The following EXOC4 variants were observed in gnomAD, a reference collection of about 807,000 sequenced individuals.
EXOC4 encodes SEC8-like 1.
A neutral mutation model predicts 107.2 loss-of-function variants in EXOC4; 71 were observed. That is an observed-to-expected ratio of 0.66 (90% CI 0.55 to 0.81). The LOEUF is 0.81. Among genes scored for constraint, EXOC4 ranks in the 30% least tolerant of loss-of-function variants. The pLI, the probability that EXOC4 is intolerant of heterozygous loss-of-function variation, is 0.00. For missense variants in EXOC4, 1,108 were observed against 1,189.6 expected (o/e 0.93, Z 1.01); for synonymous variants, 456 against 441.2 (o/e 1.03, Z -0.42).
intron 12 of EXOC4, among the ~76,000 whole-genome samples, chr7:133,916,049 A>G (rs1451023094): frequency 2.0e-5 from 3 of 152,200 alleles, no homozygotes; most frequent in Non-Finnish European, 1.5e-5. Context: ...GTGGTCCCCA[A>G]CCTTTTTGGC....
intron 9 of EXOC4, among the ~76,000 whole-genome samples, chr7:133,509,986 G>A (rs1799738370): frequency 6.6e-6 from 1 of 152,052 alleles, no homozygotes; most frequent in African/African-American, 2.4e-5. Flanking sequence ...AGTTTATTGA[G>A]GCGTAATTAC....
chr7:133,815,814 G>A (rs537412894), intron 10 of EXOC4, among the ~76,000 whole-genome samples: 1 of 152,314 alleles, frequency 6.6e-6, no homozygotes. Context: ...TCCAATGGCA[G>A]CAGTGTCAAC....
rs537881135 is a variant in EXOC4 at position 133,745,878 on chromosome 7, G to C, written c.1515-71447G>C. On this transcript the variant is annotated intron_variant, in intron 10 of 17. Coordinates refer to ENST00000253861, the MANE Select transcript of EXOC4 (RefSeq NM_021807.4). ...CATTATATATTGTGTCTAATGCCAA[G>C]TGTCTGGCACAAGACTTCTCTTCAA... Among the ~76,000 whole-genome samples, 313 of 152,126 alleles carry C rather than the reference G, an allele frequency of 2.1e-3. 2 individuals are homozygous for C. Among genetic ancestry groups the C allele is most frequent in the Middle Eastern group, 3.4e-3 (1 of 294 alleles).
At chr7:134,037,666 C>T (rs1469041666) in intron 17 of EXOC4, among the ~76,000 whole-genome samples, 2 of 152,162 alleles carry the variant, frequency 1.3e-5, no homozygotes, top group African/African-American at 4.8e-5. Context: ...AGGGGATTAT[C>T]CGCATCCCTC....
chr7:133,552,502 A>C (rs969929682), intron 9 of EXOC4, among the ~76,000 whole-genome samples: 4 of 152,188 alleles, frequency 2.6e-5, no homozygotes, highest in African/African-American at 9.6e-5. Flanking sequence ...ATAATTATTG[A>C]TATTTGAAAT....
chr7:133,428,349 T>C (rs1797774652), intron 7 of EXOC4, among the ~76,000 whole-genome samples: 1 of 152,208 alleles, frequency 6.6e-6, no homozygotes. Context: ...ATCAGAGAAT[T>C]GCTAACATTT....
intron 14 of EXOC4, among the ~76,000 whole-genome samples, chr7:133,970,058 T>C (rs1389932055): frequency 1.3e-5 from 2 of 152,174 alleles, no homozygotes; most frequent in African/African-American, 4.8e-5. Context: ...AGGAGGAATC[T>C]AGAGAGGCAG....
intron 10 of EXOC4, among the ~76,000 whole-genome samples, chr7:133,724,878 G>A (rs1327216588): frequency 5.3e-5 from 8 of 152,232 alleles, no homozygotes; most frequent in Admixed American, 6.5e-5. Context: ...AACACAATGA[G>A]TGAGAAGTGA....
At chr7:133,980,522 A>T (rs747564844) in intron 14 of EXOC4, among the ~76,000 whole-genome samples, 38 of 152,356 alleles carry the variant, frequency 2.5e-4, no homozygotes, top group Middle Eastern at 3.4e-3. Flanking sequence ...GTTGAATCAT[A>T]ATGTAACTAC....
At chr7:133,340,620 T>A (rs1004118102) in intron 5 of EXOC4, among the ~76,000 whole-genome samples, 1 of 152,054 alleles carries the variant, frequency 6.6e-6, no homozygotes, top group African/African-American at 2.4e-5. Context: ...CTTCTTTGAA[T>A]GTCTGATAGA....
intron 11 of EXOC4, among the ~76,000 whole-genome samples, chr7:133,834,000 A>T (rs897311768): frequency 6.6e-6 from 1 of 152,124 alleles, no homozygotes; most frequent in African/African-American, 2.4e-5. Context: ...AACACACAGG[A>T]AGGGGTACCA....
chr7:134,038,851 C>T (rs997725877), intron 17 of EXOC4, among the ~76,000 whole-genome samples: 2 of 152,196 alleles, frequency 1.3e-5, no homozygotes, highest in African/African-American at 4.8e-5. Context: ...TAGGTCTTGA[C>T]TAGGTCTAGG....
chr7:133,737,071 C>T (rs1795459973), intron 10 of EXOC4, among the ~76,000 whole-genome samples: 1 of 152,214 alleles, frequency 6.6e-6, no homozygotes, highest in Non-Finnish European at 1.5e-5. Context: ...TACACTGCTT[C>T]TTAATTTGCT....
chr7:133,895,771 T>G, intron 12 of EXOC4, 36 bp downstream of exon 12: 3 of 1,594,768 alleles, frequency 1.9e-6, no homozygotes, highest in Non-Finnish European at 2.6e-6. Context: ...AAAGTAACGT[T>G]TGAGCCTGAT....
At chr7:133,814,087 A>T (rs1797303991) in intron 10 of EXOC4, among the ~76,000 whole-genome samples, 1 of 152,196 alleles carries the variant, frequency 6.6e-6, no homozygotes, top group Non-Finnish European at 1.5e-5. Context: ...TAACAATCAA[A>T]TGATTATTAA....
At chr7:133,735,222 A>C (rs1016860105) in intron 10 of EXOC4, among the ~76,000 whole-genome samples, 1 of 64,882 alleles carries the variant, frequency 1.5e-5, no homozygotes, top group Non-Finnish European at 3.1e-5. Context: ...TCTGTCTCAA[A>C]AAAAAAAAAA....
intron 2 of EXOC4, among the ~76,000 whole-genome samples, chr7:133,281,982 C>T (rs899488557): frequency 6.6e-6 from 1 of 152,108 alleles, no homozygotes; most frequent in Non-Finnish European, 1.5e-5. Flanking sequence ...GGATTACAGG[C>T]GAGAGCGATC....
chr7:133,678,592 T>C (rs991695824), intron 10 of EXOC4, among the ~76,000 whole-genome samples: 2 of 152,048 alleles, frequency 1.3e-5, no homozygotes, highest in Non-Finnish European at 2.9e-5. Flanking sequence ...AAGCTCTTGA[T>C]TGCTCCCACC....
At chr7:133,538,132 A>G (rs1177651630) in intron 9 of EXOC4, among the ~76,000 whole-genome samples, 3 of 152,210 alleles carry the variant, frequency 2.0e-5, no homozygotes, top group Non-Finnish European at 2.9e-5. Context: ...AGATCCCAGA[A>G]TCAAACCCAG....
Sources: gnomAD v4.1 joint callset for allele counts (sites outside exome capture counted in the v4.1 genomes callset) on GRCh38, gnomAD v4.1.1 for gene constraint, MANE v1.5 for transcripts, NCBI Gene and HGNC (gene_info 2026-07-23, HGNC 2026-07-21) for gene names.